The following NCALD variants were observed in gnomAD, a reference collection of about 807,000 sequenced individuals.
NCALD encodes the protein neurocalcin delta.
A neutral mutation model predicts 18.6 loss-of-function variants in NCALD; 10 were observed. The ratio of observed to expected loss-of-function variants is 0.54; its 90% confidence interval spans 0.33 to 0.91. The LOEUF (loss-of-function observed/expected upper bound fraction) is 0.91, where lower values mean the gene tolerates loss of function less well. Ranked by LOEUF, NCALD falls within the 40% of genes least tolerant of loss-of-function variation. The pLI, the probability that NCALD is intolerant of heterozygous loss-of-function variation, is 0.03. For synonymous variants in NCALD, 88 were observed against 87.4 expected, an observed-to-expected ratio of 1.01 and a Z score of -0.04; for missense variants, 184 against 247.6, an observed-to-expected ratio of 0.74 and a Z score of 1.72.
At chr8:101,971,198 C>T (rs1820227948) in intron 2 of NCALD, among the ~76,000 whole-genome samples, 1 of 152,068 alleles carries the variant, frequency 6.6e-6, no homozygotes, top group African/African-American at 2.4e-5. Flanking sequence ...GTTACAGCCA[C>T]ACAGAATGGA....
At chr8:102,120,517 C>T (rs1233005673) in intron 1 of NCALD, among the ~76,000 whole-genome samples, 1 of 152,120 alleles carries the variant, frequency 6.6e-6, no homozygotes, top group Non-Finnish European at 1.5e-5. Context: ...CGAGATGGGG[C>T]CTCAATGAGA....
intron 4 of NCALD, among the ~76,000 whole-genome samples, chr8:101,874,561 AG>A (rs1185434308): frequency 6.6e-6 from 1 of 152,110 alleles, no homozygotes; most frequent in Non-Finnish European, 1.5e-5. Context: ...TTTCTGAGAC[AG>A]GGTCTCCCTC....
chr8:102,082,124 G>A (rs1005990660), intron 1 of NCALD, among the ~76,000 whole-genome samples: 1 of 150,740 alleles, frequency 6.6e-6, no homozygotes, highest in African/African-American at 2.4e-5. Context: ...AGTGCAAAAA[G>A]CAATAAAAAG....
intron 1 of NCALD, among the ~76,000 whole-genome samples, chr8:102,031,794 T>A (rs1056060565): frequency 6.6e-6 from 1 of 152,318 alleles, no homozygotes; most frequent in South Asian, 2.1e-4. Flanking sequence ...GATTTGAGTA[T>A]GAAAACATGA....
At chr8:102,023,365 T>C (rs1341980400) in intron 1 of NCALD, among the ~76,000 whole-genome samples, 2 of 152,232 alleles carry the variant, frequency 1.3e-5, no homozygotes, top group Non-Finnish European at 2.9e-5. Flanking sequence ...CGAAAACTCA[T>C]TTAGAATAAA....
rs569237736 is a variant in NCALD at position 102,116,339 on chromosome 8, A to C, written c.-210+7898T>G. Reference sequence around the variant, plus strand: ...AACCTAGAATCCAGACAGTAAATCAAATCTAGGGGCACCGTAACAGAGTCA... The same window carrying C: ...AACCTAGAATCCAGACAGTAAATCACATCTAGGGGCACCGTAACAGAGTCA... On this transcript the variant is annotated intron_variant, in intron 1 of 6. Transcript: ENST00000311028. Among the ~76,000 whole-genome samples the C allele has an allele frequency of 9.8e-5, 15 of 152,316 alleles. No homozygotes were observed. In the South Asian group the frequency reaches 3.1e-3, roughly 32 times the overall value.
intron 4 of NCALD, among the ~76,000 whole-genome samples, chr8:101,818,265 G>A (rs1472896853): frequency 3.3e-5 from 5 of 152,088 alleles, no homozygotes; most frequent in East Asian, 1.9e-4. Context: ...CACTGTTACA[G>A]TAATAATATT....
intron 2 of NCALD, among the ~76,000 whole-genome samples, chr8:101,968,069 T>C (rs1820099431): frequency 6.6e-6 from 1 of 152,160 alleles, no homozygotes; most frequent in Non-Finnish European, 1.5e-5. Flanking sequence ...AATCTGCCCA[T>C]CACTTTCAGC....
chr8:101,717,653 G>GA (rs1293423636), intron 2 of NCALD, among the ~76,000 whole-genome samples: 1 of 152,170 alleles, frequency 6.6e-6, no homozygotes, highest in Non-Finnish European at 1.5e-5. Flanking sequence ...TGAAGCAAAG[G>GA]AGCATTTTCC....
chr8:102,012,871 T>C lies in NCALD; in HGVS notation c.-157+7366A>G, dbSNP rs114466183. ...TCAGCTCCCATAGCAGATCACCACATTGCAAGGTCATTAGTAGCAGGAGTT... is the reference window on the plus strand; with the variant it reads ...TCAGCTCCCATAGCAGATCACCACACTGCAAGGTCATTAGTAGCAGGAGTT... On this transcript the variant is annotated intron_variant, in intron 2 of 6. Transcript: ENST00000311028. Among the ~76,000 whole-genome samples, 1,027 of 152,286 alleles carry C rather than the reference T, an allele frequency of 6.7e-3. 11 individuals are homozygous for C. Among genetic ancestry groups the C allele is most frequent in the African/African-American group, 0.02 (820 of 41,556 alleles).
At chr8:102,117,267 G>A (rs530441249) in intron 1 of NCALD, among the ~76,000 whole-genome samples, 3 of 152,276 alleles carry the variant, frequency 2.0e-5, no homozygotes, top group South Asian at 4.2e-4. Flanking sequence ...CACAATCTCC[G>A]GCCAGGGACT....
At chr8:101,819,512 C>T (rs74530394) in intron 4 of NCALD, among the ~76,000 whole-genome samples, 2,331 of 152,044 alleles carry the variant, frequency 0.015, 91 homozygotes, top group East Asian at 0.12. Context: ...ACATTCTTTC[C>T]CCAATTCCCA....
chr8:102,080,577 T>C (rs1294964748), intron 1 of NCALD, among the ~76,000 whole-genome samples: 1 of 152,162 alleles, frequency 6.6e-6, no homozygotes, highest in East Asian at 1.9e-4. Context: ...ATTTAACAGG[T>C]GTTCCCACTC....
chr8:101,754,499 C>A (rs554338346), intron 1 of NCALD, among the ~76,000 whole-genome samples: 1 of 152,212 alleles, frequency 6.6e-6, no homozygotes, highest in African/African-American at 2.4e-5. Context: ...TCATAGAGGG[C>A]AACTTCTTGC....
intron 1 of NCALD, among the ~76,000 whole-genome samples, chr8:102,059,098 T>G (rs979903138): frequency 4.6e-5 from 7 of 152,254 alleles, no homozygotes; most frequent in Admixed American, 3.3e-4. Flanking sequence ...TTTGTATTGT[T>G]TAATCTACAA....
chr8:101,719,717 A>C, intron 1 of NCALD, 69 bp from the exon 2 acceptor site: 1 of 1,391,740 alleles, frequency 7.2e-7, no homozygotes, highest in African/African-American at 1.4e-5. Context: ...TATAATTTGT[A>C]ATTGTTCCTT....
chr8:101,708,611 C>T (rs1815639510), intron 2 of NCALD, among the ~76,000 whole-genome samples: 2 of 152,208 alleles, frequency 1.3e-5, no homozygotes, highest in East Asian at 1.9e-4. Flanking sequence ...TGATTTAACA[C>T]TTACAATCAT....
intron 2 of NCALD, among the ~76,000 whole-genome samples, chr8:101,990,557 C>G (rs1821001535): frequency 6.6e-6 from 1 of 152,134 alleles, no homozygotes; most frequent in South Asian, 2.1e-4. Flanking sequence ...CCTTGCTGTT[C>G]TCTGGATAGT....
intron 2 of NCALD, among the ~76,000 whole-genome samples, chr8:101,985,300 G>A (rs1216712089): frequency 1.3e-5 from 2 of 151,998 alleles, no homozygotes; most frequent in African/African-American, 2.4e-5. Context: ...GCCTCCACTC[G>A]ACCCACCCCA....
Sources: gnomAD v4.1 joint callset for allele counts (sites outside exome capture counted in the v4.1 genomes callset) on GRCh38, gnomAD v4.1.1 for gene constraint, MANE v1.5 for transcripts, NCBI Gene and HGNC (gene_info 2026-07-23, HGNC 2026-07-21) for gene names.